BBS7: variants seen among roughly 807,000 people sequenced by gnomAD.
BBS7 encodes BBSome complex member BBS7.
In BBS7, 50 loss-of-function variants were observed where a neutral mutation model predicts 90.3. The ratio of observed to expected loss-of-function variants is 0.55; its 90% CI spans 0.44 to 0.70. The LOEUF is 0.70. BBS7 is among the 30% of genes least tolerant of loss of function. The pLI, the probability that BBS7 is intolerant of heterozygous loss-of-function variation, is 0.00. For synonymous variants in BBS7, 235 were observed against 287.4 expected (o/e 0.82, Z 1.85); for missense variants, 729 against 838.9 (o/e 0.87, Z 1.62).
chr4:121,825,749 G>A lies in BBS7; in HGVS notation c.*111C>T. ...AGCCATTATATCTCAAATATTTTTAGATATAAAAAAGCATTTGAAATTAAA... is the reference window on the plus strand; with the variant it reads ...AGCCATTATATCTCAAATATTTTTAAATATAAAAAAGCATTTGAAATTAAA... On this transcript the variant is annotated 3_prime_UTR_variant, in exon 19 of 19. Transcript: ENST00000264499. 1 of 1,048,902 alleles carries A rather than the reference G, an allele frequency of 9.5e-7. No homozygotes were observed. The highest frequency in any genetic ancestry group is 1.3e-6 in the Non-Finnish European group (1 of 744,364). 65.0% of individuals were successfully genotyped at this position (1,048,902 alleles called of 1,614,324 possible).
intron 13 of BBS7, among the ~76,000 whole-genome samples, chr4:121,837,018 G>A (rs1382074359): frequency 6.6e-6 from 1 of 151,464 alleles, no homozygotes; most frequent in Non-Finnish European, 1.5e-5. Context: ...GAAGTACAGT[G>A]GCACAATCTC....
intron 18 of BBS7, among the ~76,000 whole-genome samples, chr4:121,826,969 C>T (rs1724946042): frequency 6.6e-6 from 1 of 152,010 alleles, no homozygotes; most frequent in South Asian, 2.1e-4. Context: ...GGAGACCAAG[C>T]GAGACTCTGT....
At chr4:121,827,869 C>G in intron 18 of BBS7, 1 of 1,078,700 alleles carries the variant, frequency 9.3e-7, no homozygotes, top group Non-Finnish European at 1.1e-6. Flanking sequence ...TCATTTTATA[C>G]CAGGTTTGTT....
intron 11 of BBS7, 24 bp from the exon 12 acceptor site, chr4:121,844,025 G>A (rs1366321558): frequency 6.8e-7 from 1 of 1,465,948 alleles, no homozygotes; most frequent in Non-Finnish European, 9.4e-7. Flanking sequence ...TAAAAAAAAA[G>A]AAGGTTGAGA....
intron 3 of BBS7, among the ~76,000 whole-genome samples, chr4:121,862,465 T>C (rs1260403009): frequency 6.6e-6 from 1 of 152,174 alleles, no homozygotes; most frequent in Non-Finnish European, 1.5e-5. Flanking sequence ...CCATATAATA[T>C]ATAATGAATA....
intron 15 of BBS7, among the ~76,000 whole-genome samples, chr4:121,831,194 ACT>A (rs929953830): frequency 3.3e-5 from 5 of 152,160 alleles, no homozygotes; most frequent in Non-Finnish European, 5.9e-5. Flanking sequence ...ACAAAGCAAG[ACT>A]CTGTCTCAAA....
At chr4:121,854,861 A>G (rs767509119) in intron 6 of BBS7, 41 bp from the exon 7 acceptor site, 1 of 1,533,542 alleles carries the variant, frequency 6.5e-7, no homozygotes. Context: ...TTATCCTACA[A>G]TTAGTAATCT....
chr4:121,848,403 A>G (rs1461013284), intron 9 of BBS7, among the ~76,000 whole-genome samples: 1 of 152,182 alleles, frequency 6.6e-6, no homozygotes, highest in African/African-American at 2.4e-5. Flanking sequence ...CACCTGCTGT[A>G]TATGATACCT....
chr4:121,869,357 G>A (rs990657408), intron 1 of BBS7, among the ~76,000 whole-genome samples: 1 of 152,150 alleles, frequency 6.6e-6, no homozygotes, highest in Non-Finnish European at 1.5e-5. Context: ...TCTGGAGTCC[G>A]AGACTTTGAT....
chr4:121,828,010 A>G, intron 18 of BBS7, 136 bp downstream of exon 18: 1 of 1,489,974 alleles, frequency 6.7e-7, no homozygotes, highest in Non-Finnish European at 8.9e-7. Flanking sequence ...ATTTGTTGTC[A>G]ACTGATTCAT....
intron 15 of BBS7, among the ~76,000 whole-genome samples, chr4:121,830,165 G>A (rs527435711): frequency 6.6e-6 from 1 of 152,306 alleles, no homozygotes; most frequent in South Asian, 2.1e-4. Flanking sequence ...ACTTTGGGAG[G>A]CCAAGGCGGG....
chr4:121,855,393 C>T, intron 6 of BBS7, 96 bp downstream of exon 6: 1 of 1,134,234 alleles, frequency 8.8e-7, no homozygotes, highest in Non-Finnish European at 1.3e-6. Context: ...AGAAAGACAA[C>T]TGTCTCAATT....
In BBS7 at chr4:121,831,929, G is replaced by A. The variant is rs534252092; in HGVS notation, c.1676+1302C>T. Among the ~76,000 whole-genome samples the A allele has an allele frequency of 7.2e-5, 11 of 151,836 alleles. No homozygotes were observed. In the East Asian group the frequency reaches 2.1e-3, roughly 29 times the overall value. On this transcript the variant is annotated intron_variant, in intron 15 of 18. Transcript: ENST00000264499. ...AGAAAACCACAATAATCTGCTTAGG[G>A]AAAGAACCTTAAGAGGCAGAGGCAG... is the stretch of plus-strand genomic sequence containing the variant.
At chr4:121,849,083 T>C (rs1163813212) in intron 8 of BBS7, among the ~76,000 whole-genome samples, 155 bp from the exon 9 acceptor site, 2 of 152,210 alleles carry the variant, frequency 1.3e-5, no homozygotes, top group Non-Finnish European at 2.9e-5. Flanking sequence ...ACAAAATATC[T>C]TGAACAAATG....
At chr4:121,868,622 G>T (rs1393485228) in intron 1 of BBS7, among the ~76,000 whole-genome samples, 4 of 140,082 alleles carry the variant, frequency 2.9e-5, no homozygotes, top group African/African-American at 8.1e-5. Flanking sequence ...TTGAGGCTGT[G>T]GTGAGTCATG....
At chr4:121,841,137 GC>G (rs1174593326) in intron 12 of BBS7, among the ~76,000 whole-genome samples, 1 of 152,172 alleles carries the variant, frequency 6.6e-6, no homozygotes, top group East Asian at 1.9e-4. Context: ...ACGGTGCCAA[GC>G]CGTAAATGTG....
chr4:121,827,840 AAAGG>A, intron 18 of BBS7: 1 of 1,024,270 alleles, frequency 9.8e-7, no homozygotes, highest in Non-Finnish European at 1.2e-6. Flanking sequence ...TCTAAGCTCT[AAAGG>A]TTCATAGATT....
At position 121,835,549 on chromosome 4, in the gene BBS7, G is replaced by T. The variant is rs1383992178; in HGVS notation, c.1372-266C>A. On this transcript the variant is annotated intron_variant, in intron 13 of 18. Coordinates refer to ENST00000264499, the MANE Select transcript of BBS7 (RefSeq NM_176824.3). Reference sequence around the variant, plus strand: ...ACTCATACTTTTCATGGCATGAGGGGGAAAATATCAACATTTGACCTAAGT... The same window carrying T: ...ACTCATACTTTTCATGGCATGAGGGTGAAAATATCAACATTTGACCTAAGT... Among the ~76,000 whole-genome samples, 6 of 152,058 alleles carry T rather than the reference G, an allele frequency of 3.9e-5. No homozygotes were observed. The South Asian group carries it at 1.2e-3, about 32-fold the overall frequency.
In BBS7 at chr4:121,863,591, C is replaced by T. The variant is rs187180900; in HGVS notation, c.103-312G>A. 4.7e-3 allele frequency among the ~76,000 whole-genome samples: 710 copies of T among 151,830 alleles called. 2 individuals carry two copies. The highest frequency in any genetic ancestry group is 0.01 in the Middle Eastern group (3 of 294). On this transcript the variant is annotated intron_variant, in intron 2 of 18. Coordinates refer to ENST00000264499, the MANE Select transcript of BBS7 (RefSeq NM_176824.3). ...CTGGGAGTCCACATGCAGGTTGTTA[C>T]GAAGGTATACTGCCAGACAACAGTT...
Sources: gnomAD v4.1 joint callset for allele counts (sites outside exome capture counted in the v4.1 genomes callset) on GRCh38, gnomAD v4.1.1 for gene constraint, MANE v1.5 for transcripts, NCBI Gene and HGNC (gene_info 2026-07-23, HGNC 2026-07-21) for gene names.